KYNU: variants seen among roughly 807,000 people sequenced by gnomAD.
The protein encoded by KYNU is kynureninase, also known as L-kynurenine hydrolase.
In KYNU, 54 loss-of-function variants were observed where a neutral mutation model predicts 59.2. That is an observed-to-expected ratio of 0.91 (90% CI 0.73 to 1.14). The LOEUF (loss-of-function observed/expected upper bound fraction) is 1.14. KYNU is among the 50% of genes most tolerant of loss of function. The pLI is 0.00. For synonymous variants in KYNU, 177 were observed against 192.0 expected (o/e 0.92, Z 0.65); for missense variants, 567 against 554.4 (o/e 1.02, Z -0.23).
chr2:142,919,490 A>C (rs1682794244), intron 3 of KYNU, among the ~76,000 whole-genome samples: 1 of 152,264 alleles, frequency 6.6e-6, no homozygotes, highest in African/African-American at 2.4e-5. Flanking sequence ...CAAACTTGAC[A>C]GTTAGGAAAA....
chr2:142,961,914 A>G (rs1173340034), intron 8 of KYNU, among the ~76,000 whole-genome samples: 3 of 152,198 alleles, frequency 2.0e-5, no homozygotes, highest in African/African-American at 7.2e-5. Flanking sequence ...GATCTAGTTA[A>G]TATATTCAGT....
At position 143,033,271 on chromosome 2, in the gene KYNU, A is replaced by G; in HGVS notation, c.991A>G (p.Ile331Val). ...QLIPGVCGFR[I>V]SNPPILLVCS... ...AATCCCTGGGGTCTGTGGATTCCGAATTTCAAATCCTCCCATTTTGTTGGT... is the reference window on the plus strand; with the variant it reads ...AATCCCTGGGGTCTGTGGATTCCGAGTTTCAAATCCTCCCATTTTGTTGGT... Residue 331 changes from isoleucine (I) to valine (V), a missense_variant, in exon 12 of 14, where the codon ATT becomes GTT. By Grantham distance (29) the Ile-to-Val change is conservative. Coordinates refer to ENST00000264170, the MANE Select transcript of KYNU (RefSeq NM_003937.3). 3 of 1,613,902 alleles carry G rather than the reference A, an allele frequency of 1.9e-6. No individual in the cohort carries two copies. The highest frequency in any genetic ancestry group is 1.1e-5 in the South Asian group (1 of 91,080).
intron 2 of KYNU, among the ~76,000 whole-genome samples, chr2:142,910,605 T>G (rs183896380): frequency 3.2e-4 from 49 of 151,908 alleles, no homozygotes; most frequent in East Asian, 2.7e-3. Context: ...GTTTGGGGGG[T>G]TTTTGCAATT....
intron 2 of KYNU, among the ~76,000 whole-genome samples, chr2:142,887,423 C>T (rs1231657297): frequency 6.6e-6 from 1 of 152,032 alleles, no homozygotes; most frequent in African/African-American, 2.4e-5. Flanking sequence ...ATAGAATTAC[C>T]ACATGATCCA....
intron 1 of KYNU, among the ~76,000 whole-genome samples, chr2:142,882,221 A>G (rs776704038): frequency 6.6e-6 from 1 of 151,850 alleles, no homozygotes; most frequent in Non-Finnish European, 1.5e-5. Flanking sequence ...TCCAAACTAC[A>G]TCATAAATCC....
At chr2:143,039,884 A>G (rs1686984932) in intron 12 of KYNU, among the ~76,000 whole-genome samples, 1 of 152,098 alleles carries the variant, frequency 6.6e-6, no homozygotes, top group South Asian at 2.1e-4. Flanking sequence ...TTAGACCTTC[A>G]ATAAACTTGT....
intron 10 of KYNU, among the ~76,000 whole-genome samples, chr2:143,026,927 C>T (rs1686591894): frequency 6.6e-6 from 1 of 152,168 alleles, no homozygotes; most frequent in Non-Finnish European, 1.5e-5. Context: ...TCTCCGATGC[C>T]CAGCTGTATC....
chr2:142,989,478 T>C, intron 10 of KYNU: 2 of 985,114 alleles, frequency 2.0e-6, no homozygotes, highest in Non-Finnish European at 2.4e-6. Context: ...TCTTTGTTGC[T>C]TAAAAAGGGT....
chr2:142,932,610 T>G (rs974977682), intron 4 of KYNU, among the ~76,000 whole-genome samples: 3 of 152,120 alleles, frequency 2.0e-5, no homozygotes, highest in Admixed American at 2.0e-4. Context: ...CGAGTGTGAC[T>G]GTACTATATG....
At chr2:142,951,116 T>C (rs1302602300) in intron 4 of KYNU, among the ~76,000 whole-genome samples, 1 of 152,092 alleles carries the variant, frequency 6.6e-6, no homozygotes. Flanking sequence ...ATCACGGAAA[T>C]AATAATAAAG....
chr2:142,944,146 G>A (rs1448357986), intron 4 of KYNU, among the ~76,000 whole-genome samples: 3 of 152,124 alleles, frequency 2.0e-5, no homozygotes, highest in Admixed American at 2.0e-4. Context: ...TCTTCTACAA[G>A]ACTTTTGGTC....
rs1466289057 is a variant in KYNU at position 142,985,100 on chromosome 2, T to C, written c.746T>C (p.Phe249Ser). The C allele has an allele frequency of 6.2e-7, 1 of 1,608,588 alleles. No homozygotes were observed. The highest frequency in any genetic ancestry group is 8.5e-7 in the Non-Finnish European group (1 of 1,175,512). ...CTTCCCTAGGGTTGTTATGTTGGCT[T>C]TGATCTAGCACATGCAGTTGGAAAT... ...AGQAKGCYVG[F>S]DLAHAVGNVE... The change falls in exon 9 of 14, where the codon TTT becomes TCT. Residue 249 changes from phenylalanine to serine, a missense_variant. By Grantham distance (155) the Phe-to-Ser change is radical. Transcript: ENST00000264170.
At chr2:142,940,619 T>A (rs1011933292) in intron 4 of KYNU, among the ~76,000 whole-genome samples, 7 of 152,212 alleles carry the variant, frequency 4.6e-5, no homozygotes, top group South Asian at 2.1e-4. Flanking sequence ...AAATATTCAG[T>A]CTTGTTTAGA....
intron 5 of KYNU, 90 bp from the exon 6 acceptor site, chr2:142,956,113 C>G (rs1220184421): frequency 1.4e-6 from 1 of 736,468 alleles, no homozygotes; most frequent in African/African-American, 1.8e-5. Context: ...CTTTAAAATA[C>G]TGGAGATTAT....
intron 8 of KYNU, among the ~76,000 whole-genome samples, chr2:142,963,159 A>T (rs1242407444): frequency 1.3e-5 from 2 of 152,190 alleles, no homozygotes; most frequent in Admixed American, 6.5e-5. Context: ...ATTTTAATTT[A>T]AGAAATGTAT....
rs974036358 is a variant in KYNU, at chr2:143,050,485, A to G, written c.*8313A>G. On this transcript the variant is annotated 3_prime_UTR_variant, in exon 14 of 14. Coordinates refer to ENST00000264170, the MANE Select transcript of KYNU (RefSeq NM_003937.3). ...GCAAAGGACATGATCTCATTCCTCA[A>G]TACTATGGCTACGTAGTATTCCATG... 5 of 152,160 alleles carry G rather than the reference A, an allele frequency of 3.3e-5. No homozygotes were observed. The highest frequency in any genetic ancestry group is 7.2e-5 in the African/African-American group (3 of 41,434). 9.4% of individuals were successfully genotyped at this position (152,160 alleles called of 1,614,324 possible). A position where few individuals can be genotyped will look rare whatever the true frequency, so the allele number is the denominator to read the frequency against.
chr2:142,942,989 G>A (rs1047041981), intron 4 of KYNU, among the ~76,000 whole-genome samples: 1 of 152,126 alleles, frequency 6.6e-6, no homozygotes, highest in African/African-American at 2.4e-5. Flanking sequence ...TTAAAAATTG[G>A]CCATTTTGCC....
intron 4 of KYNU, 79 bp from the exon 5 acceptor site, chr2:142,954,731 G>A (rs1684107824): frequency 2.2e-6 from 2 of 896,876 alleles, no homozygotes; most frequent in African/African-American, 1.6e-5. Context: ...GAATGATTGA[G>A]TGAAGTCTTC....
chr2:143,012,638 A>G (rs1686142405), intron 10 of KYNU, among the ~76,000 whole-genome samples: 1 of 152,330 alleles, frequency 6.6e-6, no homozygotes, highest in African/African-American at 2.4e-5. Flanking sequence ...ACATAGAAGC[A>G]GTAAAAGGTC....
Sources: allele counts gnomAD v4.1 joint callset (sites outside exome capture counted in the v4.1 genomes callset), GRCh38; gene constraint gnomAD v4.1.1; transcripts MANE v1.5; gene names NCBI Gene and HGNC (gene_info 2026-07-23, HGNC 2026-07-21).